LPGAT1: variants seen among roughly 807,000 people sequenced by gnomAD.
LPGAT1 encodes lysophosphatidylglycerol acyltransferase 1.
LPGAT1 carries 11 observed loss-of-function variants against 47.5 expected under a neutral mutation model. That is an observed-to-expected ratio of 0.23 (90% CI 0.15 to 0.38). The LOEUF is 0.38. LPGAT1 is among the 10% of genes least tolerant of loss of function. The probability of loss-of-function intolerance (pLI) is 1.00; values close to 1 mark genes in which losing one functional copy is unlikely to be tolerated. For synonymous variants in LPGAT1, 138 were observed against 144.2 expected (o/e 0.96, Z 0.31); for missense variants, 293 against 439.0 (o/e 0.67, Z 2.97).
intron 3 of LPGAT1, 80 bp downstream of exon 3, chr1:211,792,992 G>A (rs1292733677): frequency 5.4e-6 from 5 of 917,956 alleles, no homozygotes; most frequent in Non-Finnish European, 8.4e-6. Context: ...TTACAGACAT[G>A]AGCCACCATG....
In LPGAT1 at chr1:211,761,944, C is replaced by T. The variant is rs560001676; in HGVS notation, c.855-10877G>A. On this transcript the variant is annotated intron_variant, in intron 6 of 7. Coordinates refer to ENST00000366997, the MANE Select transcript of LPGAT1 (RefSeq NM_014873.3). ...TAAATCCTAAAATAAATAAAGCTTC[C>T]ATAAAGTTTCCTCTGGTCTAAGAAG... is the stretch of plus-strand genomic sequence containing the variant. Among the ~76,000 whole-genome samples the T allele has an allele frequency of 1.4e-4, 22 of 152,246 alleles. 2 individuals carry two copies. In the South Asian group the frequency reaches 4.4e-3, roughly 30 times the overall value.
chr1:211,824,448 G>T (rs1660470271), intron 2 of LPGAT1, among the ~76,000 whole-genome samples: 1 of 152,118 alleles, frequency 6.6e-6, no homozygotes, highest in African/African-American at 2.4e-5. Context: ...AGTACTCTGT[G>T]AGCATCAGGT....
intron 5 of LPGAT1, among the ~76,000 whole-genome samples, chr1:211,781,078 G>C (rs1658622452): frequency 6.6e-6 from 1 of 152,082 alleles, no homozygotes; most frequent in Admixed American, 6.5e-5. Flanking sequence ...TAAAATGCTA[G>C]TGAATATAAA....
chr1:211,805,013 T>C (rs754958313), intron 2 of LPGAT1, among the ~76,000 whole-genome samples: 2 of 151,686 alleles, frequency 1.3e-5, no homozygotes, highest in Non-Finnish European at 2.9e-5. Context: ...AAACTTAAAA[T>C]TGGGGGGATG....
chr1:211,797,669 T>C (rs1659403652), intron 2 of LPGAT1, among the ~76,000 whole-genome samples: 2 of 152,182 alleles, frequency 1.3e-5, no homozygotes, highest in African/African-American at 4.8e-5. Context: ...GCCTTGCTAT[T>C]CCAGGACCAG....
In LPGAT1 at chr1:211,830,595, C is replaced by A; in HGVS notation, c.-50G>T. 2.5e-6 allele frequency: 3 copies of A among 1,209,310 alleles called. No homozygotes were observed. The highest frequency in any genetic ancestry group is 2.1e-6 in the Non-Finnish European group (2 of 973,450). The allele number at this position is 1,209,310 out of a possible 1,614,324, so 74.9% of individuals were successfully genotyped here. A position where few individuals can be genotyped will look rare whatever the true frequency, so the allele number is the denominator to read the frequency against. On this transcript the variant is annotated 5_prime_UTR_variant, in exon 1 of 8. Coordinates refer to ENST00000366997, the MANE Select transcript of LPGAT1 (RefSeq NM_014873.3). The surrounding 1 kb of genome is among the most constrained non-coding windows in gnomAD (Gnocchi z 5.9). The stretch of plus-strand genomic sequence containing the variant: ...TACCTCGGGCTGGCCGGGCCCCAGC[C>A]GGGGCTTTGGGAGTCAGAGGAGCCG...
In LPGAT1 at chr1:211,748,034, G is replaced by A. The variant is rs1024610002; in HGVS notation, c.*1865C>T. The A allele has an allele frequency of 6.6e-6, 1 of 152,288 alleles. No homozygotes were observed. Among genetic ancestry groups the A allele is most frequent in the African/African-American group, 2.4e-5 (1 of 41,342 alleles). The allele number at this position is 152,288 out of a possible 1,614,324, so 9.4% of individuals were successfully genotyped here. A position where few individuals can be genotyped will look rare whatever the true frequency, so the allele number is the denominator to read the frequency against. On this transcript the variant is annotated 3_prime_UTR_variant, in exon 8 of 8. Coordinates refer to ENST00000366997, the MANE Select transcript of LPGAT1 (RefSeq NM_014873.3). ...AAGCTGCTGTGGGCTTTTATTTGGT[G>A]TTGCTTTACCTTTCCCACATAACTG...
At chr1:211,778,112 G>A (rs575638186) in intron 6 of LPGAT1, among the ~76,000 whole-genome samples, 60 of 152,266 alleles carry the variant, frequency 3.9e-4, no homozygotes, top group Non-Finnish European at 7.4e-4. Flanking sequence ...GGAGGCCGAC[G>A]CAGGCGGATC....
chr1:211,830,626 A>C lies in LPGAT1; in HGVS notation c.-81T>G. Reference sequence around the variant, plus strand: ...TTTGGGAGTCAGAGGAGCCGGAAGAATGCATGGCCGGCGGCGGGGCCGGCG... The same window carrying C: ...TTTGGGAGTCAGAGGAGCCGGAAGACTGCATGGCCGGCGGCGGGGCCGGCG... On this transcript the variant is annotated 5_prime_UTR_variant, in exon 1 of 8. Transcript: ENST00000366997. This position sits in a 1 kb window ranked among gnomAD's most constrained non-coding sequence, Gnocchi z 5.9. 1 of 1,203,002 alleles carries C rather than the reference A, an allele frequency of 8.3e-7. No individual in the cohort carries two copies. Among genetic ancestry groups the C allele is most frequent in the Non-Finnish European group, 1.0e-6 (1 of 969,666 alleles). The allele number at this position is 1,203,002 out of a possible 1,614,324, so 74.5% of individuals were successfully genotyped here.
chr1:211,772,421 T>C (rs1191464905), intron 6 of LPGAT1, among the ~76,000 whole-genome samples: 1 of 152,202 alleles, frequency 6.6e-6, no homozygotes, highest in Non-Finnish European at 1.5e-5. Context: ...CTCTCTCAAA[T>C]GAATTTTAGA....
chr1:211,776,866 T>C (rs979494941), intron 6 of LPGAT1, among the ~76,000 whole-genome samples: 2 of 152,068 alleles, frequency 1.3e-5, no homozygotes, highest in Non-Finnish European at 2.9e-5. Context: ...CCAGACAACC[T>C]TTTCCTACAC....
chr1:211,806,456 T>C (rs1029798695), intron 2 of LPGAT1, among the ~76,000 whole-genome samples: 1 of 151,890 alleles, frequency 6.6e-6, no homozygotes, highest in Non-Finnish European at 1.5e-5. Context: ...CACTTATAAG[T>C]GGGACCTAAA....
At chr1:211,804,032 T>C (rs1659669232) in intron 2 of LPGAT1, among the ~76,000 whole-genome samples, 1 of 152,188 alleles carries the variant, frequency 6.6e-6, no homozygotes, top group Non-Finnish European at 1.5e-5. Flanking sequence ...GTGCTGGGAT[T>C]ACAGGCGTGA....
intron 2 of LPGAT1, among the ~76,000 whole-genome samples, chr1:211,795,953 A>C (rs1659334106): frequency 6.6e-6 from 1 of 152,136 alleles, no homozygotes; most frequent in African/African-American, 2.4e-5. Flanking sequence ...ATAGTGGGCT[A>C]TTAAGAGGTA....
intron 2 of LPGAT1, among the ~76,000 whole-genome samples, chr1:211,821,489 C>T (rs1399183841): frequency 6.6e-6 from 1 of 152,034 alleles, no homozygotes; most frequent in African/African-American, 2.4e-5. Flanking sequence ...ATATTATAGG[C>T]TATAACACTG....
At chr1:211,788,435 C>T (rs1158768374) in intron 3 of LPGAT1, among the ~76,000 whole-genome samples, 1 of 152,106 alleles carries the variant, frequency 6.6e-6, no homozygotes, top group Non-Finnish European at 1.5e-5. Context: ...GTAATCCCAG[C>T]ACTTTAGGAG....
chr1:211,784,807 T>TC lies in LPGAT1; in HGVS notation c.454-1306_454-1305insG, dbSNP rs1404147756. Among the ~76,000 whole-genome samples the TC allele has an allele frequency of 5.4e-5, 8 of 148,772 alleles. No homozygotes were observed. In the East Asian group the frequency reaches 7.9e-4, roughly 15 times the overall value. The stretch of plus-strand genomic sequence containing the variant: ...CTAAATATCACAAAGGTTCTTTCTT[T>TC]TTTTTTTTTTTTTTGAGACAGAGTC... On this transcript the variant is annotated intron_variant, in intron 4 of 7. Coordinates refer to ENST00000366997, the MANE Select transcript of LPGAT1 (RefSeq NM_014873.3).
Position 211,812,204 on chromosome 1 carries a change from T to A in LPGAT1, c.238+16855A>T, listed in dbSNP as rs573912103. Among the ~76,000 whole-genome samples the A allele has an allele frequency of 2.6e-5, 4 of 152,310 alleles. No individual in the cohort carries two copies. The South Asian group carries it at 8.3e-4, about 32-fold the overall frequency. ...TTAGTCTCCCTACTGCAGAATGAAGTAAAAAGGCTTGGGAGGGCTTTCTTT... is the reference window on the plus strand; with the variant it reads ...TTAGTCTCCCTACTGCAGAATGAAGAAAAAAGGCTTGGGAGGGCTTTCTTT... On this transcript the variant is annotated intron_variant, in intron 2 of 7. Transcript: ENST00000366997.
chr1:211,755,489 A>T (rs1657402152), intron 6 of LPGAT1, among the ~76,000 whole-genome samples: 1 of 152,030 alleles, frequency 6.6e-6, no homozygotes, highest in Admixed American at 6.5e-5. Context: ...CTTGTTATTT[A>T]AACATTTAAA....
Sources: allele counts gnomAD v4.1 joint callset (sites outside exome capture counted in the v4.1 genomes callset), GRCh38; gene constraint gnomAD v4.1.1; non-coding constraint Gnocchi (gnomAD v3.1); transcripts MANE v1.5; gene names NCBI Gene and HGNC (gene_info 2026-07-23, HGNC 2026-07-21).